The following YWHAZ variants were observed in gnomAD, a reference collection of about 807,000 sequenced individuals.
The protein encoded by YWHAZ is tyrosine 3-monooxygenase/tryptophan 5-monooxygenase activation protein zeta.
For synonymous variants in YWHAZ, 87 were observed against 103.6 expected (o/e 0.84, Z 0.97); for missense variants, 79 against 284.8 (o/e 0.28, Z 5.20).
intron 2 of YWHAZ, among the ~76,000 whole-genome samples, chr8:100,929,618 TCTA>T (rs1316275707): frequency 3.3e-5 from 5 of 152,274 alleles, no homozygotes; most frequent in Non-Finnish European, 7.3e-5. Flanking sequence ...AGAACTTATT[TCTA>T]CTATCTAACC....
intron 2 of YWHAZ, among the ~76,000 whole-genome samples, chr8:100,938,290 A>G (rs1206474064): frequency 6.6e-6 from 1 of 152,230 alleles, no homozygotes; most frequent in Non-Finnish European, 1.5e-5. Flanking sequence ...GAGACTACAA[A>G]TATTAATGCT....
At chr8:100,950,657 T>TTTG in intron 1 of YWHAZ, 1 of 716,676 alleles carries the variant, frequency 1.4e-6, no homozygotes, top group Non-Finnish European at 1.6e-6. Context: ...GCCCAAGCCG[T>TTTG]GGGGGGGGGG....
chr8:100,934,361 A>T lies in YWHAZ; in HGVS notation c.295-9322T>A, dbSNP rs866184850. Among the ~76,000 whole-genome samples, 5 of 150,256 alleles carry T rather than the reference A, an allele frequency of 3.3e-5. No individual in the cohort carries two copies. In the Middle Eastern group the frequency reaches 0.014, roughly 412 times the overall value. ...TTTTAAAAGGAGGGTCTGGCTAAGT[A>T]AGTTGCTACATACCCAAATAATAGA... On this transcript the variant is annotated intron_variant, in intron 2 of 5. Coordinates refer to ENST00000395958, the MANE Select transcript of YWHAZ (RefSeq NM_145690.3).
At chr8:100,950,572 A>T (rs1048570528) in intron 1 of YWHAZ, 1 of 985,050 alleles carries the variant, frequency 1.0e-6, no homozygotes, top group African/African-American at 1.8e-5. Context: ...GATCTGTGTC[A>T]GGGAGCCCAA....
At chr8:100,934,899 C>T (rs1814032505) in intron 2 of YWHAZ, 1 of 151,898 alleles carries the variant, frequency 6.6e-6, no homozygotes. Flanking sequence ...TTATTTTTTC[C>T]TTCTACATGC....
At chr8:100,933,230 G>C (rs1384276352) in intron 2 of YWHAZ, among the ~76,000 whole-genome samples, 1 of 152,008 alleles carries the variant, frequency 6.6e-6, no homozygotes, top group Admixed American at 6.6e-5. Context: ...ATGGTGGTGT[G>C]TGCCTATAAT....
At chr8:100,953,016 G>A (rs1405933257), upstream of YWHAZ, 2 of 999,212 alleles carry the variant, frequency 2.0e-6, no homozygotes, top group Non-Finnish European at 2.4e-6. Flanking sequence ...CGAGGTGGGG[G>A]CGAGGTGGGC....
chr8:100,937,585 T>C (rs1814246566), intron 2 of YWHAZ, among the ~76,000 whole-genome samples: 1 of 152,220 alleles, frequency 6.6e-6, no homozygotes, highest in African/African-American at 2.4e-5. Context: ...GGGCTAACTT[T>C]GACATGACCT....
intron 1 of YWHAZ, chr8:100,950,664 G>GT: frequency 1.1e-5 from 10 of 909,408 alleles, no homozygotes; most frequent in Non-Finnish European, 1.3e-5. Flanking sequence ...CCGTGGGGGG[G>GT]GGGGAGAGAT....
Position 100,945,084 on chromosome 8 carries a change from T to G in YWHAZ, c.294+3512A>C, listed in dbSNP as rs78884259. Among the ~76,000 whole-genome samples, 59 of 152,302 alleles carry G rather than the reference T, an allele frequency of 3.9e-4. 1 individual carries two copies. The East Asian group carries it at 0.01, about 27-fold the overall frequency. On this transcript the variant is annotated intron_variant, in intron 2 of 5. Transcript: ENST00000395958. ...TCCCTCCCCAACTACCAAGAGAGCT[T>G]TTGTCTAAGCATCTGGCAGGAAAGG...
chr8:100,934,067 G>A (rs1208541174), intron 2 of YWHAZ, among the ~76,000 whole-genome samples: 1 of 142,838 alleles, frequency 7.0e-6, no homozygotes. Flanking sequence ...CTTGAGGCAG[G>A]AGACTCACTT....
intron 2 of YWHAZ, among the ~76,000 whole-genome samples, chr8:100,943,593 C>A (rs1810033370): frequency 6.6e-6 from 1 of 152,178 alleles, no homozygotes; most frequent in Non-Finnish European, 1.5e-5. Context: ...CCTTTATTTT[C>A]ATCATTTCCA....
intron 2 of YWHAZ, among the ~76,000 whole-genome samples, chr8:100,947,441 C>A (rs1047760611): frequency 6.6e-6 from 1 of 151,980 alleles, no homozygotes; most frequent in Non-Finnish European, 1.5e-5. Context: ...AAGACAGATG[C>A]CTCATTGAGT....
intron 2 of YWHAZ, among the ~76,000 whole-genome samples, chr8:100,937,601 A>G (rs544827304): frequency 6.6e-6 from 1 of 152,320 alleles, no homozygotes; most frequent in East Asian, 1.9e-4. Context: ...GACCTCACCA[A>G]ATATGTGAGT....
intron 2 of YWHAZ, among the ~76,000 whole-genome samples, chr8:100,944,990 A>G (rs551161051): frequency 6.6e-6 from 1 of 152,324 alleles, no homozygotes; most frequent in South Asian, 2.1e-4. Context: ...TCATTTCATC[A>G]TGTGCAAGAT....
chr8:100,941,348 A>G (rs1438589440), intron 2 of YWHAZ, among the ~76,000 whole-genome samples: 3 of 152,234 alleles, frequency 2.0e-5, no homozygotes, highest in Non-Finnish European at 4.4e-5. Flanking sequence ...ATCAACAAAT[A>G]GGTCTGTCTC....
At chr8:100,928,342 G>T (rs1255125524) in intron 2 of YWHAZ, among the ~76,000 whole-genome samples, 5 of 151,984 alleles carry the variant, frequency 3.3e-5, no homozygotes, top group African/African-American at 1.2e-4. Context: ...AATGACATAA[G>T]CTAATTAAGA....
At chr8:100,932,847 G>T (rs947223924) in intron 2 of YWHAZ, among the ~76,000 whole-genome samples, 2 of 151,884 alleles carry the variant, frequency 1.3e-5, no homozygotes, top group African/African-American at 4.8e-5. Context: ...ATAAAATAAT[G>T]TTTCAGATTC....
At position 100,922,915 on chromosome 8, in the gene YWHAZ, T is replaced by C. The variant is rs1813129475; in HGVS notation, c.678+1040A>G. The C allele has an allele frequency of 6.6e-6, 1 of 152,240 alleles. No homozygotes were observed. The highest frequency in any genetic ancestry group is 1.5e-5 in the Non-Finnish European group (1 of 68,042). 9.4% of individuals were successfully genotyped at this position (152,240 alleles called of 1,614,324 possible). The stretch of plus-strand genomic sequence containing the variant: ...CTTATGTTTGATATATAAGATTCTT[T>C]CATTCTTTACTGTGGCTTGTTATCT... On this transcript the variant is annotated intron_variant, in intron 5 of 5. Transcript: ENST00000395958. This position sits in a 1 kb window ranked among gnomAD's most constrained non-coding sequence, Gnocchi z 4.1.
Sources: allele counts gnomAD v4.1 joint callset (sites outside exome capture counted in the v4.1 genomes callset), GRCh38; gene constraint gnomAD v4.1.1; non-coding constraint Gnocchi (gnomAD v3.1); transcripts MANE v1.5; gene names NCBI Gene and HGNC (gene_info 2026-07-23, HGNC 2026-07-21).